Variants in SYCP1 observed in about 807,000 individuals in gnomAD.
SYCP1 encodes the protein cancer/testis antigen 8.
A neutral mutation model predicts 153.1 loss-of-function variants in SYCP1; 64 were observed. That is an observed-to-expected ratio of 0.42 (90% CI 0.34 to 0.51). The LOEUF is 0.51. SYCP1 is among the 20% of genes least tolerant of loss of function. The pLI is 0.06. For missense variants in SYCP1, 997 were observed against 1,049.0 expected (o/e 0.95, Z 0.68); for synonymous variants, 384 against 341.8 (o/e 1.12, Z -1.36).
chr1:114,895,309 C>T (rs1435619524), intron 15 of SYCP1, 139 bp from the exon 16 acceptor site: 3 of 427,002 alleles, frequency 7.0e-6, no homozygotes, highest in African/African-American at 2.0e-5. Context: ...TTTGGACTCC[C>T]TCTATGCTTT....
intron 11 of SYCP1, among the ~76,000 whole-genome samples, chr1:114,877,106 A>G (rs539575121): frequency 5.9e-5 from 9 of 152,276 alleles, no homozygotes; most frequent in Non-Finnish European, 1.0e-4. Context: ...TTGTTCAGAC[A>G]AAAACTTCAT....
intron 8 of SYCP1, among the ~76,000 whole-genome samples, chr1:114,864,502 G>C (rs1038607207): frequency 1.3e-5 from 2 of 151,396 alleles, no homozygotes; most frequent in Non-Finnish European, 2.9e-5. Flanking sequence ...TTTTTTTGAT[G>C]GGGGGTGGGG....
intron 8 of SYCP1, among the ~76,000 whole-genome samples, chr1:114,861,751 T>C (rs1429629968): frequency 1.3e-5 from 2 of 151,942 alleles, no homozygotes; most frequent in African/African-American, 2.4e-5. Context: ...GGTATTTTAT[T>C]ATTATTATTG....
intron 26 of SYCP1, among the ~76,000 whole-genome samples, 198 bp from the exon 27 acceptor site, chr1:114,947,048 C>T (rs984165840): frequency 6.6e-6 from 1 of 151,956 alleles, no homozygotes; most frequent in South Asian, 2.1e-4. Flanking sequence ...TGCACCCAGC[C>T]CAAAAACTTG....
At chr1:114,987,330 T>A (rs1359782889) in intron 30 of SYCP1, among the ~76,000 whole-genome samples, 1 of 151,924 alleles carries the variant, frequency 6.6e-6, no homozygotes, top group East Asian at 1.9e-4. Flanking sequence ...AGGGAAAATC[T>A]TATTTCCAGA....
At chr1:114,960,159 G>T (rs1354927121) in intron 27 of SYCP1, among the ~76,000 whole-genome samples, 24 of 142,652 alleles carry the variant, frequency 1.7e-4, no homozygotes, top group Admixed American at 1.6e-3. Context: ...TTTTTAGTTT[G>T]CTTGTTTTTT....
intron 23 of SYCP1, among the ~76,000 whole-genome samples, chr1:114,943,942 T>G (rs1670536409): frequency 6.6e-6 from 1 of 151,896 alleles, no homozygotes; most frequent in African/African-American, 2.4e-5. Flanking sequence ...ATAATATAAA[T>G]GGAAGTTGTT....
intron 27 of SYCP1, among the ~76,000 whole-genome samples, chr1:114,947,737 C>T (rs1348420507): frequency 4.6e-5 from 6 of 130,652 alleles, no homozygotes; most frequent in Non-Finnish European, 6.2e-5. Flanking sequence ...GGCGTGAACC[C>T]GGGAGGCGGA....
intron 5 of SYCP1, among the ~76,000 whole-genome samples, chr1:114,858,271 C>A (rs989194310): frequency 6.6e-6 from 1 of 151,998 alleles, no homozygotes; most frequent in African/African-American, 2.4e-5. Context: ...AGCTTTTAAC[C>A]AGCCAGATTC....
chr1:114,895,623 A>C (rs1667009484), intron 16 of SYCP1, 114 bp downstream of exon 16: 2 of 515,920 alleles, frequency 3.9e-6, no homozygotes, highest in East Asian at 7.1e-5. Flanking sequence ...TTTCAGCTAA[A>C]ATGTAAAAAT....
chr1:114,987,671 T>C (rs1305528557), intron 30 of SYCP1, among the ~76,000 whole-genome samples: 2 of 151,780 alleles, frequency 1.3e-5, no homozygotes, highest in African/African-American at 4.8e-5. Flanking sequence ...TCTCTAAAAA[T>C]TTTTTTAAAC....
chr1:114,901,701 C>T (rs1018490241), intron 16 of SYCP1, among the ~76,000 whole-genome samples: 2 of 152,170 alleles, frequency 1.3e-5, no homozygotes, highest in Non-Finnish European at 1.5e-5. Context: ...ATGCAAAGCA[C>T]GCTAGATTGG....
chr1:114,910,621 T>C, intron 17 of SYCP1, 120 bp downstream of exon 17: 2 of 558,308 alleles, frequency 3.6e-6, no homozygotes, highest in Non-Finnish European at 5.9e-6. Flanking sequence ...TCCAAGCATT[T>C]ATTATTACAT....
chr1:114,916,445 T>C (rs994859885), intron 20 of SYCP1, among the ~76,000 whole-genome samples: 7 of 152,104 alleles, frequency 4.6e-5, no homozygotes, highest in Non-Finnish European at 8.8e-5. Flanking sequence ...ACAAATATTA[T>C]ATGAAAATGC....
At chr1:114,959,390 G>A (rs1447893986) in intron 27 of SYCP1, among the ~76,000 whole-genome samples, 2 of 151,912 alleles carry the variant, frequency 1.3e-5, no homozygotes, top group East Asian at 1.9e-4. Context: ...AGAATTTTTT[G>A]CATCTACATT....
chr1:114,964,305 T>G (rs1671967052), intron 27 of SYCP1, among the ~76,000 whole-genome samples: 1 of 152,238 alleles, frequency 6.6e-6, no homozygotes, highest in Non-Finnish European at 1.5e-5. Flanking sequence ...TGCAAAAATT[T>G]TCTCCCATTC....
intron 30 of SYCP1, among the ~76,000 whole-genome samples, chr1:114,993,210 G>A (rs1362127850): frequency 6.6e-6 from 1 of 151,438 alleles, no homozygotes; most frequent in Non-Finnish European, 1.5e-5. Flanking sequence ...GTTTAAGCTG[G>A]TCAGTTGGTA....
At chr1:114,919,502 T>C (rs2101709146) in intron 20 of SYCP1, among the ~76,000 whole-genome samples, 1 of 152,170 alleles carries the variant, frequency 6.6e-6, no homozygotes, top group East Asian at 1.9e-4. Flanking sequence ...GGTATCAGGG[T>C]AATACTTGCC....
At chr1:114,984,169 T>G (rs1673351331) in intron 29 of SYCP1, among the ~76,000 whole-genome samples, 1 of 152,068 alleles carries the variant, frequency 6.6e-6, no homozygotes, top group South Asian at 2.1e-4. Context: ...TCTTCCAAAG[T>G]GCTGGGATTA....
Sources: allele counts gnomAD v4.1 joint callset (sites outside exome capture counted in the v4.1 genomes callset), GRCh38; gene constraint gnomAD v4.1.1; transcripts MANE v1.5; gene names NCBI Gene and HGNC (gene_info 2026-07-23, HGNC 2026-07-21).